ZNF496: variants seen among roughly 807,000 people sequenced by gnomAD.
ZNF496 encodes the protein NSD1 (nuclear receptor binding SET-domain containing 1)-interacting zinc finger protein 1.
A neutral mutation model predicts 58.9 loss-of-function variants in ZNF496; 11 were observed. The ratio of observed to expected loss-of-function variants is 0.19; its 90% CI spans 0.12 to 0.31. The LOEUF (loss-of-function observed/expected upper bound fraction) is 0.31, where lower values mean the gene tolerates loss of function less well. Ranked by LOEUF, ZNF496 falls within the 10% of genes least tolerant of loss-of-function variation. ZNF496 has a pLI of 1.00. For synonymous variants in ZNF496, 338 were observed against 318.2 expected, an observed-to-expected ratio of 1.06 and a Z score of -0.66; for missense variants, 660 against 783.0, an observed-to-expected ratio of 0.84 and a Z score of 1.88.
chr1:247,310,017 C>T lies in ZNF496; in HGVS notation c.785-211G>A, dbSNP rs193046598. The T allele has an allele frequency of 3.2e-3, 4,530 of 1,406,694 alleles. 16 individuals are homozygous for T. The highest frequency in any genetic ancestry group is 0.019 in the Admixed American group (653 of 34,866). 87.1% of individuals were successfully genotyped at this position (1,406,694 alleles called of 1,614,324 possible). ...GGCTTGGGGGTCTCTCTGAGGCTTT[C>T]GGGTGTAAAGCAGACATAAAGGGAC... On this transcript the variant is annotated intron_variant, in intron 7 of 9. Coordinates refer to ENST00000682384, the MANE Select transcript of ZNF496 (RefSeq NM_032752.3).
At chr1:247,307,352 C>T (rs755467397) in intron 9 of ZNF496, 13 of 985,272 alleles carry the variant, frequency 1.3e-5, no homozygotes, top group Non-Finnish European at 1.3e-5. Flanking sequence ...TGTCAGAGTC[C>T]AGCAAGGGAA....
At position 247,301,208 on chromosome 1, in the gene ZNF496, T is replaced by C. The variant is rs1365353765; in HGVS notation, c.1075A>G (p.Ser359Gly). Reference protein sequence around the residue: ...EEVTIEIVLSSSGDEDSQHGP... With the variant: ...EEVTIEIVLSGSGDEDSQHGP... ...TGCTGGGAGTCCTCGTCCCCAGAGC[T>C]GGAGAGAACGATCTCGATGGTCACT... Residue 359 changes from serine to glycine, a missense_variant, in exon 10 of 10, where the codon AGC (serine) becomes GGC (glycine). Coordinates refer to ENST00000682384, the MANE Select transcript of ZNF496 (RefSeq NM_032752.3). 1 of 1,559,744 alleles carries C rather than the reference T, an allele frequency of 6.4e-7. No individual in the cohort carries two copies. Among genetic ancestry groups the C allele is most frequent in the Non-Finnish European group, 8.7e-7 (1 of 1,153,094 alleles).
In ZNF496 at chr1:247,301,409, G is replaced by A. The variant is rs1659232782; in HGVS notation, c.1007-133C>T. 11 of 1,174,272 alleles carry A rather than the reference G, an allele frequency of 9.4e-6. No individual in the cohort carries two copies. The South Asian group carries it at 1.2e-4, about 13-fold the overall frequency. The allele number at this position is 1,174,272 out of a possible 1,614,324, so 72.7% of individuals were successfully genotyped here. The stretch of plus-strand genomic sequence containing the variant: ...ACAATGGTCCTCGGTGACCGGGGCG[G>A]CCTGGCCAGCCCTGCAGGGGCCACT... On this transcript the variant is annotated intron_variant, in intron 9 of 9. Transcript: ENST00000682384.
At chr1:247,316,631 T>C (rs1659789982) in intron 6 of ZNF496, among the ~76,000 whole-genome samples, 1 of 152,116 alleles carries the variant, frequency 6.6e-6, no homozygotes, top group Admixed American at 6.5e-5. Context: ...TCCATAAATA[T>C]GAGAAGTCAA....
In ZNF496 at chr1:247,301,166, C is replaced by T; in HGVS notation, c.1117G>A (p.Glu373Lys). The T allele has an allele frequency of 1.2e-6, 2 of 1,611,216 alleles. No individual in the cohort carries two copies. The highest frequency in any genetic ancestry group is 1.7e-6 in the Non-Finnish European group (2 of 1,178,400). ...TTCTCTGTGGGGCTCCCCAGCTCTT[C>T]TGTGCAGTACGGGCCATGCTGGGAG... ...EDSQHGPYCT[E>K]ELGSPTEKQR... Residue 373 changes from glutamate (E) to lysine (K), a missense_variant, in exon 10 of 10, where the codon GAA becomes AAA. Physicochemically the swap from Glu to Lys is moderately conservative, Grantham distance 56. Transcript: ENST00000682384.
intron 6 of ZNF496, among the ~76,000 whole-genome samples, chr1:247,319,699 G>T (rs1157623709): frequency 2.0e-5 from 3 of 152,152 alleles, no homozygotes; most frequent in Non-Finnish European, 4.4e-5. Context: ...GAAGCAGGTG[G>T]ATCACGTGAG....
At chr1:247,331,081 C>T (rs1660309513) in intron 2 of ZNF496, among the ~76,000 whole-genome samples, 1 of 152,182 alleles carries the variant, frequency 6.6e-6, no homozygotes. Flanking sequence ...CCATCACACA[C>T]CTGCAGCGCC....
chr1:247,322,625 A>G, intron 6 of ZNF496: 1 of 944,922 alleles, frequency 1.1e-6, no homozygotes, highest in African/African-American at 1.7e-5. Flanking sequence ...CTGACTCCTC[A>G]GAGCACCCGA....
chr1:247,323,161 A>T lies in ZNF496; in HGVS notation c.644T>A (p.Leu215Gln). ...RDTQQVTTLQ[L>Q]PPSRVSPFKD... ...CCTGTAGAAACCACTCACCGGGGGT[A>T]GCTGGAGGGTGGTCACCTGCTGTGT... is the stretch of plus-strand genomic sequence containing the variant. The change falls in exon 6 of 10, where the codon CTA becomes CAA. Residue 215 changes from leucine (L) to glutamine (Q), a missense_variant. Leu to Gln is a moderately radical substitution (Grantham distance 113). Transcript: ENST00000682384. 6.2e-7 allele frequency: 1 copy of T among 1,613,624 alleles called. No individual in the cohort carries two copies. Among genetic ancestry groups the T allele is most frequent in the Non-Finnish European group, 8.5e-7 (1 of 1,179,614 alleles).
At chr1:247,326,757 T>A (rs989355093) in intron 5 of ZNF496, among the ~76,000 whole-genome samples, 1 of 152,070 alleles carries the variant, frequency 6.6e-6, no homozygotes, top group African/African-American at 2.4e-5. Flanking sequence ...TAAGATAAAA[T>A]CAGGTCATAT....
At position 247,297,951 on chromosome 1, in the gene ZNF496, G is replaced by C. The variant is rs1659132643; in HGVS notation, c.*2568C>G. ...TTTACACAGAAAAACACTCTGGTAA[G>C]TAGAACAGTGTTCTTCTCTTGAGTC... On this transcript the variant is annotated 3_prime_UTR_variant, in exon 10 of 10. Transcript: ENST00000682384. 6.6e-6 allele frequency: 1 copy of C among 152,218 alleles called. No individual in the cohort carries two copies. Among genetic ancestry groups the C allele is most frequent in the African/African-American group, 2.4e-5 (1 of 41,460 alleles). The allele number at this position is 152,218 out of a possible 1,614,324, so 9.4% of individuals were successfully genotyped here.
chr1:247,311,462 C>CACACACACACAT (rs775105090), intron 6 of ZNF496: 1 of 142,628 alleles, frequency 7.0e-6, no homozygotes, highest in East Asian at 2.1e-4. Context: ...CACACACACA[C>CACACACACACAT]ATATATAGTG....
Position 247,301,200 on chromosome 1 carries a change from C to T in ZNF496, c.1083G>A (p.Gly361=). The stretch of plus-strand genomic sequence containing the variant: ...ACGGGCCATGCTGGGAGTCCTCGTC[C>T]CCAGAGCTGGAGAGAACGATCTCGA... ...VTIEIVLSSS[G]DEDSQHGPYC... Residue 361 remains glycine (G), a synonymous_variant, in exon 10 of 10, where the codon GGG becomes GGA. Coordinates refer to ENST00000682384, the MANE Select transcript of ZNF496 (RefSeq NM_032752.3). 1 of 1,579,022 alleles carries T rather than the reference C, an allele frequency of 6.3e-7. No homozygotes were observed. Among genetic ancestry groups the T allele is most frequent in the African/African-American group, 1.4e-5 (1 of 73,630 alleles).
In ZNF496 at chr1:247,314,990, A is replaced by G. The variant is rs1275143830; in HGVS notation, c.652-4534T>C. ...GGTCTTGAGCTCCTGAGCTCAAGTG[A>G]TTCAACCACCTTGGCCTCCCAAAGT... On this transcript the variant is annotated intron_variant, in intron 6 of 9. Coordinates refer to ENST00000682384, the MANE Select transcript of ZNF496 (RefSeq NM_032752.3). 1.3e-4 allele frequency among the ~76,000 whole-genome samples: 19 copies of G among 148,980 alleles called. No homozygotes were observed. The Admixed American group carries it at 1.3e-3, about 10-fold the overall frequency.
In ZNF496 at chr1:247,299,989, GT is replaced by G. The variant is rs1157263661; in HGVS notation, c.*529del. 2.0e-5 allele frequency: 3 copies of G among 152,400 alleles called. No individual in the cohort carries two copies. In the East Asian group the frequency reaches 5.8e-4, roughly 29 times the overall value. 9.4% of individuals were successfully genotyped at this position (152,400 alleles called of 1,614,324 possible). ...GCTCAGACATGACATGTCTGGCTCA[GT>G]GTGCCTGGCCCTGCTCCCCACTGAG... On this transcript the variant is annotated 3_prime_UTR_variant, in exon 10 of 10. Coordinates refer to ENST00000682384, the MANE Select transcript of ZNF496 (RefSeq NM_032752.3).
chr1:247,310,306 G>T lies in ZNF496; in HGVS notation c.784+18C>A. On this transcript the variant is annotated intron_variant, in intron 7 of 9. Transcript: ENST00000682384. ...CCAGTTCCCTGGTCTTGAGGTGTGG[G>T]GGGAAGTTAAGTCTTACTTGGAGGC... 1 of 1,613,982 alleles carries T rather than the reference G, an allele frequency of 6.2e-7. No individual in the cohort carries two copies. Among genetic ancestry groups the T allele is most frequent in the Non-Finnish European group, 8.5e-7 (1 of 1,180,016 alleles).
Position 247,329,483 on chromosome 1 carries a change from C to A in ZNF496, c.96G>T (p.Gln32His). The A allele has an allele frequency of 6.2e-7, 1 of 1,607,178 alleles. No homozygotes were observed. Among genetic ancestry groups the A allele is most frequent in the Non-Finnish European group, 8.5e-7 (1 of 1,177,538 alleles). ...AGGACTCGGGGCTGGGAAGCTCCCC[C>A]TGGGGGCTAGGGTTCTCTCCAGGTG... is the stretch of plus-strand genomic sequence containing the variant. ...RSPPGENPSP[Q>H]GELPSPESSR... is the part of the protein sequence containing the mutation. Residue 32 changes from glutamine to histidine, a missense_variant, in exon 4 of 10, where the codon CAG (glutamine) becomes CAT (histidine). Gln to His is a conservative substitution (Grantham distance 24, BLOSUM62 0). Transcript: ENST00000682384. The surrounding 1 kb of genome is among the most constrained non-coding windows in gnomAD (Gnocchi z 5.5).
chr1:247,301,326 AG>A (rs766975647), intron 9 of ZNF496, 50 bp from the exon 10 acceptor site: 31 of 1,482,672 alleles, frequency 2.1e-5, no homozygotes, highest in Non-Finnish European at 2.6e-5. Context: ...GCCACATCCC[AG>A]CCCCTATGAC....
intron 6 of ZNF496, chr1:247,322,911 G>T: frequency 1.2e-6 from 1 of 834,798 alleles, no homozygotes; most frequent in Non-Finnish European, 1.8e-6. Context: ...TCCTGCTATC[G>T]TCTGCACAAA....
Sources: gnomAD v4.1 joint callset for allele counts (sites outside exome capture counted in the v4.1 genomes callset) on GRCh38, gnomAD v4.1.1 for gene constraint, Gnocchi (gnomAD v3.1) non-coding constraint, MANE v1.5 for transcripts, NCBI Gene and HGNC (gene_info 2026-07-23, HGNC 2026-07-21) for gene names.